Variants in CTNNA3 observed in about 807,000 individuals in gnomAD.
The protein encoded by CTNNA3 is catenin alpha-3.
Under a neutral mutation model 95.7 loss-of-function variants are expected in CTNNA3, and 76 were observed. That is an observed-to-expected ratio of 0.79 (90% confidence interval 0.66 to 0.96). The LOEUF (loss-of-function observed/expected upper bound fraction) is 0.96, where lower values mean the gene tolerates loss of function less well. Among genes scored for constraint, CTNNA3 ranks in the 40% least tolerant of loss-of-function variants. CTNNA3 has a pLI of 0.00. For missense variants in CTNNA3, 1,191 were observed against 1,089.8 expected (o/e 1.09, Z -1.31); for synonymous variants, 431 against 374.4 (o/e 1.15, Z -1.74).
chr10:67,287,260 C>T (rs753759581), intron 5 of CTNNA3, among the ~76,000 whole-genome samples: 3 of 152,050 alleles, frequency 2.0e-5, no homozygotes, highest in Admixed American at 6.6e-5. Context: ...ATCACTTGAA[C>T]CCAGGAGACG....
chr10:66,114,065 T>G (rs911930655), intron 13 of CTNNA3, among the ~76,000 whole-genome samples: 2 of 152,170 alleles, frequency 1.3e-5, no homozygotes, highest in Admixed American at 6.5e-5. Context: ...CTCTTATGTC[T>G]GAATGTCGGA....
intron 10 of CTNNA3, among the ~76,000 whole-genome samples, chr10:66,608,492 CA>C (rs1844210711): frequency 6.6e-6 from 1 of 152,054 alleles, no homozygotes; most frequent in Non-Finnish European, 1.5e-5. Flanking sequence ...ATAGCCAAGA[CA>C]ATCCTATGTA....
At chr10:66,168,604 A>G (rs146941377) in intron 13 of CTNNA3, among the ~76,000 whole-genome samples, 7 of 152,282 alleles carry the variant, frequency 4.6e-5, no homozygotes, top group Admixed American at 2.0e-4. Flanking sequence ...TACTACCTCA[A>G]TGAAGCTTTG....
intron 4 of CTNNA3, among the ~76,000 whole-genome samples, chr10:67,531,196 C>T (rs1164345778): frequency 6.6e-6 from 1 of 152,156 alleles, no homozygotes; most frequent in Non-Finnish European, 1.5e-5. Flanking sequence ...CCTAGTGGAG[C>T]TGTGAGAAGA....
chr10:65,956,142 T>G (rs946340047), intron 17 of CTNNA3, among the ~76,000 whole-genome samples: 2 of 152,206 alleles, frequency 1.3e-5, no homozygotes, highest in African/African-American at 2.4e-5. Flanking sequence ...CAGCAATTTA[T>G]TCATTTCTTC....
chr10:66,995,071 T>C (rs1851254853), intron 7 of CTNNA3, among the ~76,000 whole-genome samples: 1 of 152,174 alleles, frequency 6.6e-6, no homozygotes, highest in African/African-American at 2.4e-5. Context: ...TAGCCCAAGA[T>C]GTGTCAGTTG....
chr10:67,318,776 G>C (rs1023915109), intron 5 of CTNNA3, among the ~76,000 whole-genome samples: 3 of 152,156 alleles, frequency 2.0e-5, no homozygotes, highest in Admixed American at 6.5e-5. Context: ...TAAAATTGCA[G>C]ACCACGTTGC....
intron 3 of CTNNA3, among the ~76,000 whole-genome samples, chr10:67,584,868 T>A (rs190780799): frequency 1.6e-4 from 24 of 152,336 alleles, no homozygotes; most frequent in African/African-American, 5.3e-4. Context: ...CTGTGAGCCA[T>A]GTGCGGGATA....
chr10:66,918,162 C>T (rs1846592952), intron 7 of CTNNA3, among the ~76,000 whole-genome samples: 2 of 152,146 alleles, frequency 1.3e-5, no homozygotes, highest in African/African-American at 4.8e-5. Context: ...GTTAGATGAA[C>T]ACTTCAATGG....
rs116379176 is a variant in CTNNA3 at position 66,200,358 on chromosome 10, A to T, written c.1884+80112T>A. 8.3e-3 allele frequency among the ~76,000 whole-genome samples: 1,261 copies of T among 152,262 alleles called. 14 individuals carry two copies. Among genetic ancestry groups the T allele is most frequent in the African/African-American group, 0.028 (1,179 of 41,546 alleles). ...ACAATTAGAAGAAAAAAGACCACCAAGGTCAACAGAATGAACAGTTTCTGA... is the reference window on the plus strand; with the variant it reads ...ACAATTAGAAGAAAAAAGACCACCATGGTCAACAGAATGAACAGTTTCTGA... On this transcript the variant is annotated intron_variant, in intron 13 of 17. Coordinates refer to ENST00000433211, the MANE Select transcript of CTNNA3 (RefSeq NM_013266.4).
chr10:67,533,628 A>C (rs1200997995), intron 4 of CTNNA3, among the ~76,000 whole-genome samples: 3 of 152,120 alleles, frequency 2.0e-5, no homozygotes. Flanking sequence ...ACACGTTTAA[A>C]AGTGCCATGT....
At chr10:66,300,828 A>T (rs1365238161) in intron 12 of CTNNA3, among the ~76,000 whole-genome samples, 2 of 152,134 alleles carry the variant, frequency 1.3e-5, no homozygotes, top group Non-Finnish European at 2.9e-5. Context: ...TATACAAATT[A>T]GAGCAAAAAT....
At chr10:66,696,393 A>T (rs1201947305) in intron 9 of CTNNA3, among the ~76,000 whole-genome samples, 1 of 152,176 alleles carries the variant, frequency 6.6e-6, no homozygotes, top group Non-Finnish European at 1.5e-5. Context: ...TCCACGATTT[A>T]AACCTTCAAG....
intron 13 of CTNNA3, among the ~76,000 whole-genome samples, chr10:66,268,124 GATA>G (rs1273508338): frequency 3.3e-5 from 5 of 152,056 alleles, no homozygotes; most frequent in African/African-American, 7.2e-5. Context: ...TGATGACTAT[GATA>G]ATAAGAGCAC....
At chr10:67,437,068 A>G (rs566947580) in intron 5 of CTNNA3, among the ~76,000 whole-genome samples, 1 of 152,252 alleles carries the variant, frequency 6.6e-6, no homozygotes, top group Non-Finnish European at 1.5e-5. Context: ...TCGTGGAACC[A>G]ATGCAAATGC....
intron 13 of CTNNA3, among the ~76,000 whole-genome samples, chr10:66,250,749 A>G (rs1019353196): frequency 6.6e-6 from 1 of 152,148 alleles, no homozygotes; most frequent in Non-Finnish European, 1.5e-5. Flanking sequence ...TTCTCTTGAC[A>G]TGACAAATGC....
chr10:66,384,273 CA>C (rs1300477876), intron 11 of CTNNA3, among the ~76,000 whole-genome samples: 1 of 151,102 alleles, frequency 6.6e-6, no homozygotes, highest in Non-Finnish European at 1.5e-5. Flanking sequence ...AAATGGAAAA[CA>C]AAAAAAAGCA....
intron 7 of CTNNA3, among the ~76,000 whole-genome samples, chr10:67,168,773 T>TAAGCCAAAGCAATC (rs1564938330): frequency 1.3e-5 from 2 of 152,166 alleles, no homozygotes; most frequent in African/African-American, 4.8e-5. Context: ...ATTAGAAGTC[T>TAAGCCAAAGCAATC]AAGCCAAAGC....
chr10:66,312,311 C>T (rs148974715), intron 12 of CTNNA3, among the ~76,000 whole-genome samples: 14 of 152,210 alleles, frequency 9.2e-5, no homozygotes, highest in African/African-American at 2.9e-4. Context: ...GTAGTTAGGC[C>T]TTGGGTAGCT....
Sources: gnomAD v4.1 joint callset for allele counts (sites outside exome capture counted in the v4.1 genomes callset) on GRCh38, gnomAD v4.1.1 for gene constraint, MANE v1.5 for transcripts, NCBI Gene and HGNC (gene_info 2026-07-23, HGNC 2026-07-21) for gene names.